ACP6: variants seen among roughly 807,000 people sequenced by gnomAD.
ACP6 encodes lysophosphatidic acid phosphatase type 6.
In ACP6, 48 loss-of-function variants were observed where a neutral mutation model predicts 48.1. The ratio of observed to expected loss-of-function variants is 1.00; its 90% confidence interval spans 0.79 to 1.27. The LOEUF is 1.27. Among genes scored for constraint, ACP6 ranks in the 50% most tolerant of loss-of-function variants. The probability of loss-of-function intolerance (pLI) is 0.00; values close to 1 mark genes in which losing one functional copy is unlikely to be tolerated. For missense variants in ACP6, 485 were observed against 529.1 expected (o/e 0.92, Z 0.82); for synonymous variants, 172 against 204.2 (o/e 0.84, Z 1.34).
rs1449431595 is a variant in ACP6, at chr1:147,643,825, C to T, written c.*3598G>A. The stretch of plus-strand genomic sequence containing the variant: ...CACAGATGGGGTAATTTGTAATGAA[C>T]AGAAATTTATTATCTCACAGTTCTG... On this transcript the variant is annotated 3_prime_UTR_variant, in exon 10 of 10. Transcript: ENST00000583509. The T allele has an allele frequency of 2.0e-5, 3 of 152,128 alleles. No individual in the cohort carries two copies. The highest frequency in any genetic ancestry group is 4.8e-5 in the African/African-American group (2 of 41,360). The allele number at this position is 152,128 out of a possible 1,614,324, so 9.4% of individuals were successfully genotyped here.
downstream of ACP6, among the ~76,000 whole-genome samples, chr1:147,640,061 T>A (rs1435346461): frequency 6.6e-6 from 1 of 152,112 alleles, no homozygotes; most frequent in Non-Finnish European, 1.5e-5. Context: ...AAGCCCCAAA[T>A]ACAAGAAGAT....
chr1:147,644,632 GAT>G lies in ACP6; in HGVS notation c.*2789_*2790del, dbSNP rs1659556948. On this transcript the variant is annotated 3_prime_UTR_variant, in exon 10 of 10. Coordinates refer to ENST00000583509, the MANE Select transcript of ACP6 (RefSeq NM_016361.5). ...AAGTATTGGGACATGGTCAATTCTG[GAT>G]ATAGTTTGAAGAGAGATACAACAGG... 6.6e-6 allele frequency: 1 copy of G among 152,216 alleles called. No homozygotes were observed. The highest frequency in any genetic ancestry group is 2.4e-5 in the African/African-American group (1 of 41,448). The allele number at this position is 152,216 out of a possible 1,614,324, so 9.4% of individuals were successfully genotyped here.
At position 147,650,349 on chromosome 1, in the gene ACP6, C is replaced by T. The variant is rs1659852581; in HGVS notation, c.882-111G>A. 7 of 687,354 alleles carry T rather than the reference C, an allele frequency of 1.0e-5. No individual in the cohort carries two copies. The South Asian group carries it at 1.6e-4, about 16-fold the overall frequency. 42.6% of individuals were successfully genotyped at this position (687,354 alleles called of 1,614,324 possible). On this transcript the variant is annotated intron_variant, in intron 7 of 9. Transcript: ENST00000583509. ...AGTCCAGACAGAGCTGAGAAAAAGG[C>T]AAGTAATGCATAAGGGCCAGCAACG...
At chr1:147,650,439 C>A (rs587754589) in intron 7 of ACP6, 42 of 505,962 alleles carry the variant, frequency 8.3e-5, no homozygotes, top group African/African-American at 7.9e-4. Flanking sequence ...AGACTCCCAA[C>A]AACACAGGCA....
intron 5 of ACP6, among the ~76,000 whole-genome samples, chr1:147,631,360 C>G (rs1659158654): frequency 6.6e-6 from 1 of 152,162 alleles, no homozygotes; most frequent in Non-Finnish European, 1.5e-5. Context: ...TCCTTTCATG[C>G]CAATTTCCAA....
Position 147,663,527 on chromosome 1 carries a change from G to A in ACP6, c.220-3752C>T, listed in dbSNP as rs148777401. Among the ~76,000 whole-genome samples, 582 of 152,126 alleles carry A rather than the reference G, an allele frequency of 3.8e-3. 2 individuals carry two copies. The highest frequency in any genetic ancestry group is 6.4e-3 in the Non-Finnish European group (436 of 68,012). On this transcript the variant is annotated intron_variant, in intron 1 of 9. Coordinates refer to ENST00000583509, the MANE Select transcript of ACP6 (RefSeq NM_016361.5). ...TCTGTCCTTCAAGAACTTCTACATC[G>A]TGGCTGAGTGCAGTGGCTCATACCT... is the stretch of plus-strand genomic sequence containing the variant.
At chr1:147,658,890 G>A (rs2148911411) in intron 4 of ACP6, 70 bp downstream of exon 4, 1 of 1,429,982 alleles carries the variant, frequency 7.0e-7, no homozygotes, top group East Asian at 2.3e-5. Flanking sequence ...CCAAGAAAGA[G>A]ATAGGGGCTT....
At chr1:147,648,058 G>T in intron 9 of ACP6, 188 bp downstream of exon 9, 2 of 634,138 alleles carry the variant, frequency 3.2e-6, no homozygotes, top group Non-Finnish European at 5.4e-6. Flanking sequence ...GCCCCATCCT[G>T]CCACCATCTG....
chr1:147,657,575 C>G (rs1553211910), intron 4 of ACP6, among the ~76,000 whole-genome samples: 5 of 152,284 alleles, frequency 3.3e-5, no homozygotes. Flanking sequence ...CGCCCACCAC[C>G]ACGCCTGGCT....
In ACP6 at chr1:147,647,528, C is replaced by G. The variant is rs782438282; in HGVS notation, c.1182G>C (p.Pro394=). ...VPRGCPDGLC[P]LDMFLNAMSV... is the part of the protein sequence containing the mutation. ...ACATGGCATTCAAGAACATGTCCAG[C>G]GGGCAGAGCCCATCAGGGCAACCTC... Residue 394 remains proline, a synonymous_variant, in exon 10 of 10, where the codon CCG becomes CCC. Coordinates refer to ENST00000583509, the MANE Select transcript of ACP6 (RefSeq NM_016361.5). The G allele has an allele frequency of 6.2e-7, 1 of 1,613,830 alleles. No homozygotes were observed. The highest frequency in any genetic ancestry group is 2.2e-5 in the East Asian group (1 of 44,880).
intron 5 of ACP6, among the ~76,000 whole-genome samples, chr1:147,631,520 A>C (rs1194607183): frequency 6.6e-6 from 1 of 152,202 alleles, no homozygotes; most frequent in Admixed American, 6.5e-5. Flanking sequence ...AAGTAACCTT[A>C]AAAAGTATGA....
At position 147,655,171 on chromosome 1, in the gene ACP6, G is replaced by A. The variant is rs782656387; in HGVS notation, c.637C>T (p.Gln213Ter). The change falls in exon 5 of 10, where the codon CAG becomes TAG. Residue 213 changes from glutamine (Q) to a stop codon, truncating the protein, a stop_gained. Transcript: ENST00000583509. LOFTEE classifies it high-confidence loss of function. ...CCCAGGGGCAGTTACCTGGTTCTCT[G>A]CCTCAGGCTCCAGCAGCTTTGGTAG... ...PNYQSCWSLR[Q>*]RTRGRRQTAS... 3.7e-6 allele frequency: 6 copies of A among 1,605,400 alleles called. No homozygotes were observed. In the Admixed American group the frequency reaches 1.0e-4, roughly 27 times the overall value.
Position 147,650,248 on chromosome 1 carries a change from G to C in ACP6, c.882-10C>G, listed in dbSNP as rs782462247. On this transcript the variant is annotated splice_polypyrimidine_tract_variant and intron_variant, in intron 7 of 9. Coordinates refer to ENST00000583509, the MANE Select transcript of ACP6 (RefSeq NM_016361.5). ...CATCTGAAGACTTTCCCTGTGAAAA[G>C]TGAACAACATTTAAGCACCTAGAGG... is the stretch of plus-strand genomic sequence containing the variant. 1 of 1,591,132 alleles carries C rather than the reference G, an allele frequency of 6.3e-7. No homozygotes were observed. Among genetic ancestry groups the C allele is most frequent in the South Asian group, 1.1e-5 (1 of 87,706 alleles).
At chr1:147,654,399 G>GGA (rs1660123272) in intron 5 of ACP6, 73 bp from the exon 6 acceptor site, 5 of 1,552,248 alleles carry the variant, frequency 3.2e-6, no homozygotes, top group Non-Finnish European at 4.4e-6. Context: ...TTCACACTTG[G>GGA]GTTATCATTT....
At chr1:147,663,730 A>G (rs1553213159) in intron 1 of ACP6, among the ~76,000 whole-genome samples, 2 of 152,086 alleles carry the variant, frequency 1.3e-5, no homozygotes, top group African/African-American at 4.8e-5. Context: ...CCTCCAACCT[A>G]GAACCTGCCC....
chr1:147,653,803 GA>G (rs1240741726), intron 6 of ACP6, among the ~76,000 whole-genome samples: 1 of 152,158 alleles, frequency 6.6e-6, no homozygotes. Flanking sequence ...CTTTCTTTAT[GA>G]AGGGCATCTC....
At position 147,659,676 on chromosome 1, in the gene ACP6, C is replaced by T. The variant is rs1553212373; in HGVS notation, c.319G>A (p.Asp107Asn). ...AGGPKPYSPY[D>N]SQYHETTLKG... ...AGGGTGGTCTCATGGTATTGAGAGT[C>T]GTAAGGAGAATATGGTTTCGGACCA... Residue 107 changes from aspartate to asparagine, a missense_variant, in exon 2 of 10, where the codon GAC (aspartate) becomes AAC (asparagine). Coordinates refer to ENST00000583509, the MANE Select transcript of ACP6 (RefSeq NM_016361.5). The T allele has an allele frequency of 8.1e-6, 13 of 1,614,146 alleles. No homozygotes were observed. Among genetic ancestry groups the T allele is most frequent in the East Asian group, 2.2e-5 (1 of 44,870 alleles).
rs1300377643 is a variant in ACP6 at position 147,644,046 on chromosome 1, C to T, written c.*3377G>A. On this transcript the variant is annotated 3_prime_UTR_variant, in exon 10 of 10. Transcript: ENST00000583509. The stretch of plus-strand genomic sequence containing the variant: ...TAATCCATTAAACATCCCCATTAGG[C>T]TCCACCTCCCAGTAACATTGTACTG... 4 of 152,188 alleles carry T rather than the reference C, an allele frequency of 2.6e-5. No homozygotes were observed. Among genetic ancestry groups the T allele is most frequent in the Non-Finnish European group, 4.4e-5 (3 of 68,030 alleles). The allele number at this position is 152,188 out of a possible 1,614,324, so 9.4% of individuals were successfully genotyped here. A position where few individuals can be genotyped will look rare whatever the true frequency, so the allele number is the denominator to read the frequency against.
chr1:147,633,842 C>T (rs587717035), intron 5 of ACP6, among the ~76,000 whole-genome samples: 1 of 147,048 alleles, frequency 6.8e-6, no homozygotes, highest in Non-Finnish European at 1.5e-5. Flanking sequence ...CTTTTTTCAC[C>T]CATTTAAAAA....
Sources: gnomAD v4.1 joint callset for allele counts (sites outside exome capture counted in the v4.1 genomes callset) on GRCh38, gnomAD v4.1.1 for gene constraint, MANE v1.5 for transcripts, NCBI Gene and HGNC (gene_info 2026-07-23, HGNC 2026-07-21) for gene names.